Variants in GRID2 observed in about 807,000 individuals in gnomAD.
The protein encoded by GRID2 is glutamate ionotropic receptor delta type subunit 2, also known as glutamate receptor ionotropic, delta-2.
Under a neutral mutation model 114.8 loss-of-function variants are expected in GRID2, and 33 were observed. That is an observed-to-expected ratio of 0.29 (90% CI 0.22 to 0.38). GRID2 has a LOEUF of 0.38. GRID2 is among the 10% of genes least tolerant of loss of function. The probability of loss-of-function intolerance (pLI) is 1.00; values close to 1 mark genes in which losing one functional copy is unlikely to be tolerated. For missense variants in GRID2, 1,184 were observed against 1,257.7 expected, an observed-to-expected ratio of 0.94 and a Z score of 0.89; for synonymous variants, 505 against 449.9, an observed-to-expected ratio of 1.12 and a Z score of -1.55.
chr4:93,587,781 T>C (rs542590189), intron 13 of GRID2, among the ~76,000 whole-genome samples: 1 of 152,272 alleles, frequency 6.6e-6, no homozygotes, highest in Non-Finnish European at 1.5e-5. Context: ...GTTATAATTT[T>C]ATGAGTAAAT....
intron 4 of GRID2, among the ~76,000 whole-genome samples, chr4:93,178,380 AT>A (rs11428288): frequency 0.021 from 1,068 of 50,162 alleles, 6 homozygotes; most frequent in African/African-American, 0.065. Context: ...TTGAAAATAG[AT>A]TTTTTTTTTT....
chr4:93,042,297 CTCTATATA>C (rs1305753419), intron 2 of GRID2, among the ~76,000 whole-genome samples: 58 of 99,432 alleles, frequency 5.8e-4, no homozygotes, highest in South Asian at 2.0e-3. Context: ...CTCTCTCTCT[CTCTATATA>C]TATATATATA....
At chr4:93,195,073 T>C (rs1330317391) in intron 4 of GRID2, among the ~76,000 whole-genome samples, 2 of 152,206 alleles carry the variant, frequency 1.3e-5, no homozygotes, top group African/African-American at 4.8e-5. Flanking sequence ...AATTTTTTTA[T>C]GTATAGGATA....
intron 10 of GRID2, among the ~76,000 whole-genome samples, chr4:93,451,777 T>C (rs1228430574): frequency 6.6e-6 from 1 of 152,066 alleles, no homozygotes; most frequent in South Asian, 2.1e-4. Flanking sequence ...GTAAAATCAA[T>C]AATGATAGAT....
At chr4:92,540,501 T>C (rs1194599490) in intron 1 of GRID2, among the ~76,000 whole-genome samples, 1 of 152,160 alleles carries the variant, frequency 6.6e-6, no homozygotes, top group Admixed American at 6.5e-5. Context: ...CAGACACTTC[T>C]CAAAAGAAGA....
chr4:92,879,723 TA>T (rs1174648620), intron 2 of GRID2, among the ~76,000 whole-genome samples: 1 of 152,276 alleles, frequency 6.6e-6, no homozygotes, highest in South Asian at 2.1e-4. Flanking sequence ...AAAGGAAAAA[TA>T]AGCTTTAATC....
chr4:93,749,132 G>A (rs529925056), intron 14 of GRID2, among the ~76,000 whole-genome samples: 1 of 152,176 alleles, frequency 6.6e-6, no homozygotes, highest in Non-Finnish European at 1.5e-5. Context: ...TGCATGGGTG[G>A]CTGAGGTGCG....
intron 8 of GRID2, among the ~76,000 whole-genome samples, chr4:93,325,729 G>T (rs988084599): frequency 6.6e-6 from 1 of 151,694 alleles, no homozygotes. Context: ...CTTATTAAAT[G>T]TGCTTACTAT....
intron 8 of GRID2, among the ~76,000 whole-genome samples, chr4:93,382,300 G>C (rs1763927761): frequency 6.6e-6 from 1 of 151,636 alleles, no homozygotes; most frequent in African/African-American, 2.4e-5. Context: ...TGGGAGTTTT[G>C]GCCATTATGG....
rs549369900 is a variant in GRID2 at position 93,369,905 on chromosome 4, G to A, written c.1246-25702G>A. Among the ~76,000 whole-genome samples the A allele has an allele frequency of 1.8e-3, 275 of 152,212 alleles. 3 individuals are homozygous for A. Among genetic ancestry groups the A allele is most frequent in the Middle Eastern group, 0.017 (5 of 294 alleles). ...ACAATGAAGCTGTTTTCCACTTTAGGAAAAGACAGTTTTGAAAATGTGATT... is the reference window on the plus strand; with the variant it reads ...ACAATGAAGCTGTTTTCCACTTTAGAAAAAGACAGTTTTGAAAATGTGATT... On this transcript the variant is annotated intron_variant, in intron 8 of 15. Transcript: ENST00000282020.
chr4:92,624,522 G>C (rs528885972), intron 2 of GRID2, among the ~76,000 whole-genome samples: 3 of 151,872 alleles, frequency 2.0e-5, no homozygotes, highest in Non-Finnish European at 4.4e-5. Context: ...TGGAATGCTC[G>C]TATTGAATTT....
chr4:92,468,882 C>G (rs1231073438), intron 1 of GRID2, among the ~76,000 whole-genome samples: 1 of 152,034 alleles, frequency 6.6e-6, no homozygotes, highest in Non-Finnish European at 1.5e-5. Context: ...TTGAAGTAGT[C>G]AAACTGAGGT....
intron 10 of GRID2, among the ~76,000 whole-genome samples, chr4:93,429,217 T>C (rs1358519534): frequency 6.6e-6 from 1 of 152,200 alleles, no homozygotes; most frequent in Admixed American, 6.5e-5. Flanking sequence ...AGAAGCCAGA[T>C]GGCAAAGGAG....
intron 1 of GRID2, among the ~76,000 whole-genome samples, chr4:92,395,425 T>A (rs1056164071): frequency 2.0e-5 from 3 of 151,844 alleles, no homozygotes; most frequent in African/African-American, 7.2e-5. Context: ...TGACTGTTGA[T>A]CTTGCGAAAC....
intron 4 of GRID2, among the ~76,000 whole-genome samples, chr4:93,185,656 A>G (rs572784766): frequency 6.6e-6 from 1 of 152,340 alleles, no homozygotes; most frequent in East Asian, 1.9e-4. Context: ...ACAAATTTTA[A>G]CAAAAATTAC....
At chr4:92,849,588 A>T (rs1163926871) in intron 2 of GRID2, among the ~76,000 whole-genome samples, 1 of 151,906 alleles carries the variant, frequency 6.6e-6, no homozygotes, top group Admixed American at 6.6e-5. Context: ...AGCTTCTAGA[A>T]ACATTCTCAT....
At chr4:92,768,902 C>T (rs995427469) in intron 2 of GRID2, among the ~76,000 whole-genome samples, 11 of 152,256 alleles carry the variant, frequency 7.2e-5, no homozygotes, top group Admixed American at 5.2e-4. Flanking sequence ...TGCGTGGGGA[C>T]ACATACAAAC....
At chr4:93,067,649 C>T (rs1167894697) in intron 2 of GRID2, among the ~76,000 whole-genome samples, 1 of 151,830 alleles carries the variant, frequency 6.6e-6, no homozygotes, top group Admixed American at 6.6e-5. Context: ...CCTATTTTAG[C>T]TCAAGCTAAG....
chr4:93,316,800 T>C (rs1029107873), intron 8 of GRID2, among the ~76,000 whole-genome samples: 1 of 152,154 alleles, frequency 6.6e-6, no homozygotes. Flanking sequence ...GCACCATTTC[T>C]ATCCTGATGA....
Sources: gnomAD v4.1 joint callset for allele counts (sites outside exome capture counted in the v4.1 genomes callset) on GRCh38, gnomAD v4.1.1 for gene constraint, MANE v1.5 for transcripts, NCBI Gene and HGNC (gene_info 2026-07-23, HGNC 2026-07-21) for gene names.